The following VTI1A variants were observed in gnomAD, a reference collection of about 807,000 sequenced individuals.
VTI1A encodes the protein vesicle transport through interaction with t-SNAREs homolog 1A.
In VTI1A, 22 loss-of-function variants were observed where a neutral mutation model predicts 34.9. The ratio of observed to expected loss-of-function variants is 0.63; its 90% CI spans 0.45 to 0.90. The LOEUF (loss-of-function observed/expected upper bound fraction) is 0.90. VTI1A is among the 40% of genes least tolerant of loss of function. The pLI, the probability that VTI1A is intolerant of heterozygous loss-of-function variation, is 0.00. For missense variants in VTI1A, 268 were observed against 275.6 expected (o/e 0.97, Z 0.20); for synonymous variants, 87 against 97.3 (o/e 0.89, Z 0.62).
intron 5 of VTI1A, among the ~76,000 whole-genome samples, chr10:112,652,324 T>G (rs1847063476): frequency 6.6e-6 from 1 of 152,148 alleles, no homozygotes; most frequent in Non-Finnish European, 1.5e-5. Context: ...TCCTTCACAT[T>G]GGCTGTCACC....
At chr10:112,808,558 G>A (rs1037571152) in intron 7 of VTI1A, among the ~76,000 whole-genome samples, 2 of 149,870 alleles carry the variant, frequency 1.3e-5, no homozygotes, top group Admixed American at 1.3e-4. Context: ...CCGGGAGGTG[G>A]AGGTTGCAGT....
intron 7 of VTI1A, among the ~76,000 whole-genome samples, chr10:112,744,848 A>G (rs1183506972): frequency 6.6e-6 from 1 of 152,198 alleles, no homozygotes; most frequent in African/African-American, 2.4e-5. Flanking sequence ...CACGTTCAGC[A>G]TCTTGTCTCA....
intron 7 of VTI1A, among the ~76,000 whole-genome samples, chr10:112,673,464 G>A (rs374137946): frequency 8.9e-5 from 3 of 33,776 alleles, no homozygotes; most frequent in East Asian, 2.9e-3. Flanking sequence ...GCGCGCGTGC[G>A]CGCGCACACA....
intron 5 of VTI1A, among the ~76,000 whole-genome samples, chr10:112,570,642 G>A (rs562527843): frequency 3.9e-5 from 6 of 152,292 alleles, no homozygotes; most frequent in Middle Eastern, 3.4e-3. Context: ...TGTTGCTCAC[G>A]TAATAGCCAG....
chr10:112,747,398 T>C (rs1850935928), intron 7 of VTI1A, among the ~76,000 whole-genome samples: 1 of 152,202 alleles, frequency 6.6e-6, no homozygotes, highest in South Asian at 2.1e-4. Context: ...GGCTGTAAGG[T>C]ATATCCTATA....
intron 5 of VTI1A, among the ~76,000 whole-genome samples, chr10:112,580,784 A>G (rs1843898484): frequency 6.6e-6 from 1 of 152,194 alleles, no homozygotes; most frequent in Admixed American, 6.5e-5. Context: ...CACAGTGTGC[A>G]TAGAGAACCA....
intron 7 of VTI1A, among the ~76,000 whole-genome samples, chr10:112,721,104 G>A (rs1367644310): frequency 6.6e-6 from 1 of 152,176 alleles, no homozygotes; most frequent in East Asian, 1.9e-4. Flanking sequence ...GGGAAACTGA[G>A]GTTAGCTCAC....
At chr10:112,631,167 G>T (rs1249910316) in intron 5 of VTI1A, among the ~76,000 whole-genome samples, 1 of 151,986 alleles carries the variant, frequency 6.6e-6, no homozygotes, top group East Asian at 1.9e-4. Flanking sequence ...ACACTGCTAT[G>T]CTACTCTCAA....
chr10:112,814,229 A>G (rs899737769), intron 7 of VTI1A, among the ~76,000 whole-genome samples: 2 of 152,124 alleles, frequency 1.3e-5, no homozygotes, highest in African/African-American at 2.4e-5. Flanking sequence ...TGGAAGACCC[A>G]TGTCCAGTGT....
At chr10:112,620,955 G>A (rs1203418829) in intron 5 of VTI1A, among the ~76,000 whole-genome samples, 3 of 152,162 alleles carry the variant, frequency 2.0e-5, no homozygotes, top group African/African-American at 7.2e-5. Flanking sequence ...TATTGGCAGA[G>A]CCTTTGATTA....
intron 7 of VTI1A, among the ~76,000 whole-genome samples, chr10:112,736,066 TTTA>T (rs1850441596): frequency 6.8e-6 from 1 of 146,918 alleles, no homozygotes; most frequent in African/African-American, 2.5e-5. Flanking sequence ...TATAATATAT[TTTA>T]TATTTTTATA....
chr10:112,493,400 C>G (rs549379530), intron 3 of VTI1A, among the ~76,000 whole-genome samples: 2 of 152,168 alleles, frequency 1.3e-5, no homozygotes, highest in South Asian at 2.1e-4. Flanking sequence ...ATCATGTCAT[C>G]TGTGAATAAA....
Position 112,590,110 on chromosome 10 carries a change from A to G in VTI1A, c.427+51780A>G, listed in dbSNP as rs116778730. On this transcript the variant is annotated intron_variant, in intron 5 of 7. Coordinates refer to ENST00000393077, the MANE Select transcript of VTI1A (RefSeq NM_145206.4). ...GAACATGGTTTACTCTTCTACCCAG[A>G]TGTTTTTACCCTGATCTCTATTAGG... 3.9e-4 allele frequency among the ~76,000 whole-genome samples: 60 copies of G among 152,278 alleles called. No individual in the cohort carries two copies. The South Asian group carries it at 9.8e-3, about 25-fold the overall frequency.
intron 7 of VTI1A, among the ~76,000 whole-genome samples, chr10:112,696,184 T>C (rs1848781822): frequency 6.6e-6 from 1 of 151,990 alleles, no homozygotes; most frequent in Admixed American, 6.6e-5. Flanking sequence ...GAGCTACTTA[T>C]CTTATTCTAT....
Position 112,818,158 on chromosome 10 carries a change from G to A in VTI1A, c.*2775G>A. 1 of 233,534 alleles carries A rather than the reference G, an allele frequency of 4.3e-6. No individual in the cohort carries two copies. 14.5% of individuals were successfully genotyped at this position (233,534 alleles called of 1,614,324 possible). ...TATTTTGGAACCAGCTTGGTGGGGG[G>A]TTTGCTTTGCTACTGCTTCTGAGCC... On this transcript the variant is annotated 3_prime_UTR_variant, in exon 8 of 8. Coordinates refer to ENST00000393077, the MANE Select transcript of VTI1A (RefSeq NM_145206.4).
chr10:112,774,317 G>C (rs1851896765), intron 7 of VTI1A, among the ~76,000 whole-genome samples: 1 of 152,184 alleles, frequency 6.6e-6, no homozygotes, highest in African/African-American at 2.4e-5. Flanking sequence ...TCCTCTCATA[G>C]TTCCACCTCA....
At chr10:112,753,449 A>T (rs907235632) in intron 7 of VTI1A, among the ~76,000 whole-genome samples, 2 of 152,134 alleles carry the variant, frequency 1.3e-5, no homozygotes, top group Non-Finnish European at 2.9e-5. Flanking sequence ...GAAAGAGTTT[A>T]TTCTCCTTAA....
chr10:112,582,272 A>T (rs1843979570), intron 5 of VTI1A, among the ~76,000 whole-genome samples: 1 of 152,122 alleles, frequency 6.6e-6, no homozygotes, highest in African/African-American at 2.4e-5. Flanking sequence ...CCTCGATCCC[A>T]TGACCTCATG....
intron 7 of VTI1A, among the ~76,000 whole-genome samples, chr10:112,689,709 C>T (rs1848548318): frequency 6.6e-6 from 1 of 152,000 alleles, no homozygotes; most frequent in African/African-American, 2.4e-5. Flanking sequence ...AGTCTGTGGG[C>T]CACAAGTGGC....
Sources: gnomAD v4.1 joint callset for allele counts (sites outside exome capture counted in the v4.1 genomes callset) on GRCh38, gnomAD v4.1.1 for gene constraint, MANE v1.5 for transcripts, NCBI Gene and HGNC (gene_info 2026-07-23, HGNC 2026-07-21) for gene names.